The following FRMD4B variants were observed in gnomAD, a reference collection of about 807,000 sequenced individuals.
FRMD4B encodes the protein FERM domain containing 4B, also known as FERM domain-containing protein 4B.
FRMD4B carries 74 observed loss-of-function variants against 141.5 expected under a neutral mutation model. That is an observed-to-expected ratio of 0.52 (90% CI 0.43 to 0.63). FRMD4B has a LOEUF of 0.63. Ranked by LOEUF, FRMD4B falls within the 30% of genes least tolerant of loss-of-function variation. The pLI is 0.00. For synonymous variants in FRMD4B, 506 were observed against 467.9 expected (o/e 1.08, Z -1.05); for missense variants, 1,366 against 1,253.4 (o/e 1.09, Z -1.36).
At chr3:69,411,706 T>C (rs547323536) in intron 2 of FRMD4B, among the ~76,000 whole-genome samples, 1 of 152,324 alleles carries the variant, frequency 6.6e-6, no homozygotes, top group Admixed American at 6.5e-5. Flanking sequence ...TAATTTACAA[T>C]ATCCTGGATA....
chr3:69,514,014 T>C (rs188565027), intron 1 of FRMD4B, among the ~76,000 whole-genome samples: 1,534 of 152,282 alleles, frequency 0.01, 8 homozygotes, highest in Middle Eastern at 0.037. Flanking sequence ...TCCCAGCTTT[T>C]GCCAGTTCTT....
At chr3:69,488,915 A>T (rs1200246186) in intron 1 of FRMD4B, among the ~76,000 whole-genome samples, 2 of 142,034 alleles carry the variant, frequency 1.4e-5, no homozygotes, top group African/African-American at 5.2e-5. Flanking sequence ...AAAAAAAAAA[A>T]AGTTTAAGAT....
chr3:69,475,460 G>C (rs1270915898), intron 1 of FRMD4B, among the ~76,000 whole-genome samples: 1 of 150,590 alleles, frequency 6.6e-6, no homozygotes, highest in East Asian at 2.0e-4. Flanking sequence ...TGTGGTGTTT[G>C]GTTTTTTGTT....
chr3:69,518,503 G>T (rs1193469347), intron 1 of FRMD4B, among the ~76,000 whole-genome samples: 1 of 152,134 alleles, frequency 6.6e-6, no homozygotes, highest in South Asian at 2.1e-4. Flanking sequence ...TAGAGAAAAG[G>T]CAAGACCATA....
intron 1 of FRMD4B, among the ~76,000 whole-genome samples, chr3:69,324,966 G>A (rs899294134): frequency 6.6e-6 from 1 of 151,570 alleles, no homozygotes; most frequent in Non-Finnish European, 1.5e-5. Context: ...GTAGTCCTAT[G>A]TACTTGAGAG....
Position 69,187,896 on chromosome 3 carries a change from G to A in FRMD4B, c.1793C>T (p.Pro598Leu). The change falls in exon 19 of 23, where the codon CCT (proline) becomes CTT (leucine). Residue 598 changes from proline (P) to leucine (L), a missense_variant. Coordinates refer to ENST00000398540, the MANE Select transcript of FRMD4B (RefSeq NM_015123.3). ...YDDPSDAFTF[P>L]GQRSSSVPHS... ...AGGTACTGAACTTGATCGCTGCCCA[G>A]GAAAAGTGAAGGCATCACTGGCTAT... 6.3e-7 allele frequency: 1 copy of A among 1,592,206 alleles called. No individual in the cohort carries two copies. Among genetic ancestry groups the A allele is most frequent in the Non-Finnish European group, 8.6e-7 (1 of 1,167,526 alleles).
chr3:69,201,750 G>A (rs1372357999), intron 11 of FRMD4B, among the ~76,000 whole-genome samples: 1 of 152,194 alleles, frequency 6.6e-6, no homozygotes, highest in Admixed American at 6.5e-5. Context: ...TGGAGCTGAG[G>A]TGAATTCATT....
At chr3:69,493,329 C>A (rs1706332973) in intron 1 of FRMD4B, among the ~76,000 whole-genome samples, 1 of 152,120 alleles carries the variant, frequency 6.6e-6, no homozygotes, top group African/African-American at 2.4e-5. Context: ...GCCAATAAGG[C>A]AGATAACGTA....
At chr3:69,481,002 G>A (rs1706112576) in intron 1 of FRMD4B, among the ~76,000 whole-genome samples, 1 of 152,194 alleles carries the variant, frequency 6.6e-6, no homozygotes, top group African/African-American at 2.4e-5. Flanking sequence ...GTGGGCTTAG[G>A]ACCCTCCGAG....
At chr3:69,521,702 C>T (rs72937441) in intron 1 of FRMD4B, among the ~76,000 whole-genome samples, 6,510 of 152,206 alleles carry the variant, frequency 0.043, 400 homozygotes, top group African/African-American at 0.13. Context: ...CCATTCTCTA[C>T]TCATAAAATC....
chr3:69,414,008 T>C (rs1023161225), intron 2 of FRMD4B, among the ~76,000 whole-genome samples: 1 of 152,218 alleles, frequency 6.6e-6, no homozygotes, highest in Non-Finnish European at 1.5e-5. Context: ...ATTTCATTTA[T>C]TCTTACTAAG....
At chr3:69,438,657 C>G (rs754114818) in intron 1 of FRMD4B, among the ~76,000 whole-genome samples, 9 of 151,884 alleles carry the variant, frequency 5.9e-5, no homozygotes, top group Non-Finnish European at 1.0e-4. Context: ...ATAAATGAAG[C>G]AAAAAAGTGG....
At chr3:69,328,908 G>C (rs1018102537) in intron 1 of FRMD4B, among the ~76,000 whole-genome samples, 4 of 152,048 alleles carry the variant, frequency 2.6e-5, no homozygotes, top group African/African-American at 9.7e-5. Flanking sequence ...CATAAAAATA[G>C]CCATCTAGCA....
rs1053628279 is a variant in FRMD4B, at chr3:69,457,400, TAAGA to T, written c.-128-24643_-128-24640del. Among the ~76,000 whole-genome samples, 9 of 152,302 alleles carry T rather than the reference TAAGA, an allele frequency of 5.9e-5. No individual in the cohort carries two copies. In the South Asian group the frequency reaches 6.2e-4, roughly 11 times the overall value. On this transcript the variant is annotated intron_variant, in intron 1 of 5. Coordinates refer to the FRMD4B transcript ENST00000459638. ...TAATAAACATGCTTTACTTTTGTAA[TAAGA>T]AAGAGAGAAAATAAGTGATATTGAA...
intron 1 of FRMD4B, among the ~76,000 whole-genome samples, chr3:69,508,496 T>A (rs1009506733): frequency 6.6e-6 from 1 of 152,090 alleles, no homozygotes; most frequent in Admixed American, 6.5e-5. Context: ...TCCTAGTCAA[T>A]GAGAATAGGG....
At chr3:69,456,092 C>T (rs188874431) in intron 1 of FRMD4B, among the ~76,000 whole-genome samples, 2 of 152,186 alleles carry the variant, frequency 1.3e-5, no homozygotes, top group Non-Finnish European at 2.9e-5. Context: ...AACTTGTGAG[C>T]TTTCCATCAC....
At chr3:69,277,753 A>G (rs985274410) in intron 5 of FRMD4B, among the ~76,000 whole-genome samples, 30 of 151,872 alleles carry the variant, frequency 2.0e-4, no homozygotes, top group African/African-American at 6.8e-4. Context: ...GATGGTATCA[A>G]TCTCCTAACC....
intron 12 of FRMD4B, 103 bp from the exon 13 acceptor site, chr3:69,197,141 G>A: frequency 1.2e-6 from 1 of 852,762 alleles, no homozygotes; most frequent in Non-Finnish European, 1.8e-6. Flanking sequence ...CCTCTTACCT[G>A]TCTTCTGTTG....
At chr3:69,358,409 G>C (rs1181812868) in intron 1 of FRMD4B, among the ~76,000 whole-genome samples, 1 of 152,154 alleles carries the variant, frequency 6.6e-6, no homozygotes, top group African/African-American at 2.4e-5. Flanking sequence ...TAAAACTCAT[G>C]TTAAAATTTG....
Sources: allele counts gnomAD v4.1 joint callset (sites outside exome capture counted in the v4.1 genomes callset), GRCh38; gene constraint gnomAD v4.1.1; transcripts MANE v1.5; gene names NCBI Gene and HGNC (gene_info 2026-07-23, HGNC 2026-07-21).